CNBD1: variants seen among roughly 807,000 people sequenced by gnomAD.
CNBD1 encodes the protein cyclic nucleotide binding domain containing 1.
CNBD1 carries 71 observed loss-of-function variants against 54.4 expected under a neutral mutation model. The observed-to-expected ratio is 1.30, with a 90% CI of 1.08 to 1.59. The LOEUF (loss-of-function observed/expected upper bound fraction) is 1.59. CNBD1 is among the 40% of genes most tolerant of loss of function. The pLI is 0.00. For missense variants in CNBD1, 659 were observed against 518.0 expected (o/e 1.27, Z -2.64); for synonymous variants, 182 against 170.7 (o/e 1.07, Z -0.51).
At chr8:86,982,779 G>C (rs1808516439) in intron 4 of CNBD1, among the ~76,000 whole-genome samples, 1 of 152,006 alleles carries the variant, frequency 6.6e-6, no homozygotes, top group Non-Finnish European at 1.5e-5. Flanking sequence ...AGTCCCCTCT[G>C]TCTATGTAAG....
At chr8:87,270,458 A>C (rs1808338930) in intron 6 of CNBD1, among the ~76,000 whole-genome samples, 1 of 151,960 alleles carries the variant, frequency 6.6e-6, no homozygotes, top group Admixed American at 6.6e-5. Context: ...AAAGTCAACA[A>C]ATAACAGATT....
intron 4 of CNBD1, among the ~76,000 whole-genome samples, chr8:87,032,024 G>A: frequency 6.6e-6 from 1 of 152,214 alleles, no homozygotes. Flanking sequence ...TTACAGGCAT[G>A]AGCCACAGTG....
intron 10 of CNBD1, among the ~76,000 whole-genome samples, chr8:87,360,819 G>A (rs181480353): frequency 5.3e-5 from 8 of 151,922 alleles, no homozygotes; most frequent in African/African-American, 1.7e-4. Context: ...CTATCTGAAA[G>A]TTTCTGCTTG....
In CNBD1 at chr8:87,304,007, G is replaced by A. The variant is rs1809082014; in HGVS notation, c.1042+17336G>A. ...AAACAACAGGTGCTGGAGAGGATAT[G>A]GATAAATAGGAACACTTTTACACAT... On this transcript the variant is annotated intron_variant, in intron 8 of 10. Coordinates refer to ENST00000518476, the MANE Select transcript of CNBD1 (RefSeq NM_173538.3). Among the ~76,000 whole-genome samples, 4 of 152,262 alleles carry A rather than the reference G, an allele frequency of 2.6e-5. No individual in the cohort carries two copies. The South Asian group carries it at 8.3e-4, about 32-fold the overall frequency.
intron 5 of CNBD1, among the ~76,000 whole-genome samples, chr8:87,230,262 T>C (rs1019647276): frequency 1.3e-5 from 2 of 152,074 alleles, no homozygotes; most frequent in Non-Finnish European, 2.9e-5. Context: ...GGAGGCCACA[T>C]CTCCAACACT....
intron 4 of CNBD1, among the ~76,000 whole-genome samples, chr8:86,981,313 CTTCA>C (rs1468087505): frequency 6.6e-6 from 1 of 152,172 alleles, no homozygotes; most frequent in African/African-American, 2.4e-5. Flanking sequence ...CCTCTATGGC[CTTCA>C]TTTGCTATAT....
chr8:87,420,149 A>T, intron 2 of CNBD1, among the ~76,000 whole-genome samples: 1 of 151,918 alleles, frequency 6.6e-6, no homozygotes, highest in Non-Finnish European at 1.5e-5. Context: ...ATCACTTTTC[A>T]GACTCTTAGT....
At chr8:86,979,827 A>G (rs2130506648) in intron 4 of CNBD1, among the ~76,000 whole-genome samples, 1 of 152,326 alleles carries the variant, frequency 6.6e-6, no homozygotes, top group African/African-American at 2.4e-5. Flanking sequence ...TTTATTTCTC[A>G]GGTTAAATGC....
intron 2 of CNBD1, among the ~76,000 whole-genome samples, chr8:87,426,113 A>C (rs990663697): frequency 3.9e-5 from 6 of 152,210 alleles, no homozygotes; most frequent in Non-Finnish European, 8.8e-5. Context: ...TTCTTTGACT[A>C]GGAAAGGGAA....
At chr8:87,359,351 C>A (rs577402813) in intron 10 of CNBD1, among the ~76,000 whole-genome samples, 1 of 152,168 alleles carries the variant, frequency 6.6e-6, no homozygotes, top group South Asian at 2.1e-4. Flanking sequence ...AAGCTGCTGA[C>A]ATGATGTGTG....
At chr8:87,128,448 G>A (rs1363615284) in intron 4 of CNBD1, among the ~76,000 whole-genome samples, 6 of 152,164 alleles carry the variant, frequency 3.9e-5, no homozygotes, top group African/African-American at 1.4e-4. Context: ...GAACAGATGA[G>A]CCACACCCCT....
At chr8:87,071,121 C>A (rs73281256) in intron 4 of CNBD1, among the ~76,000 whole-genome samples, 2,476 of 151,926 alleles carry the variant, frequency 0.016, 51 homozygotes, top group African/African-American at 0.054. Context: ...GTTTTTGAAC[C>A]AAAATACAGT....
At chr8:87,309,582 G>A (rs993739688) in intron 8 of CNBD1, among the ~76,000 whole-genome samples, 1 of 152,072 alleles carries the variant, frequency 6.6e-6, no homozygotes, top group Non-Finnish European at 1.5e-5. Flanking sequence ...CTTACGATAA[G>A]AAAAGTTTTT....
intron 4 of CNBD1, among the ~76,000 whole-genome samples, chr8:87,051,204 A>C (rs547306658): frequency 7.9e-5 from 12 of 152,282 alleles, no homozygotes; most frequent in Non-Finnish European, 1.6e-4. Flanking sequence ...GGCTTCCCTG[A>C]GATGTCCATC....
At chr8:86,995,285 A>T (rs184575340) in intron 4 of CNBD1, among the ~76,000 whole-genome samples, 57 of 152,334 alleles carry the variant, frequency 3.7e-4, no homozygotes, top group Admixed American at 1.6e-3. Flanking sequence ...AACCAGGGGC[A>T]GGCATGCTTT....
chr8:87,377,476 A>G (rs1810973299), intron 10 of CNBD1, among the ~76,000 whole-genome samples: 1 of 151,998 alleles, frequency 6.6e-6, no homozygotes, highest in Non-Finnish European at 1.5e-5. Context: ...TACAAAGGAC[A>G]TGAACTCATC....
intron 2 of CNBD1, among the ~76,000 whole-genome samples, chr8:87,401,887 C>T (rs1807573185): frequency 6.6e-6 from 1 of 151,824 alleles, no homozygotes; most frequent in Admixed American, 6.6e-5. Context: ...ATATAAGGGC[C>T]CTCTCTTCCT....
intron 5 of CNBD1, among the ~76,000 whole-genome samples, chr8:87,224,264 A>C (rs1206468073): frequency 1.3e-5 from 2 of 149,244 alleles, no homozygotes; most frequent in African/African-American, 2.5e-5. Context: ...CCATTTGTCA[A>C]TTTTGTCTTT....
chr8:87,086,106 T>A (rs910053871), intron 4 of CNBD1, among the ~76,000 whole-genome samples: 1 of 152,172 alleles, frequency 6.6e-6, no homozygotes, highest in Non-Finnish European at 1.5e-5. Flanking sequence ...GTGAGATCCC[T>A]GGAGAAGAGT....
Sources: gnomAD v4.1 joint callset for allele counts (sites outside exome capture counted in the v4.1 genomes callset) on GRCh38, gnomAD v4.1.1 for gene constraint, MANE v1.5 for transcripts, NCBI Gene and HGNC (gene_info 2026-07-23, HGNC 2026-07-21) for gene names.